CTBP2: variants seen among roughly 807,000 people sequenced by gnomAD.
The protein encoded by CTBP2 is C-terminal-binding protein 2.
In CTBP2, 30 loss-of-function variants were observed where a neutral mutation model predicts 80.3. The observed-to-expected ratio is 0.37, with a 90% confidence interval of 0.28 to 0.51. The LOEUF (loss-of-function observed/expected upper bound fraction) is 0.51, where lower values mean the gene tolerates loss of function less well. Ranked by LOEUF, CTBP2 falls within the 20% of genes least tolerant of loss-of-function variation. The pLI, the probability that CTBP2 is intolerant of heterozygous loss-of-function variation, is 0.93. For missense variants in CTBP2, 1,212 were observed against 1,375.3 expected (o/e 0.88, Z 1.88); for synonymous variants, 594 against 587.4 (o/e 1.01, Z -0.16).
intron 2 of CTBP2, among the ~76,000 whole-genome samples, chr10:125,062,425 T>C (rs1003521442): frequency 6.1e-5 from 9 of 147,286 alleles, no homozygotes; most frequent in Non-Finnish European, 1.3e-4. Context: ...AAGTCTGTCC[T>C]GTTTAAAGCT....
chr10:125,027,031 T>G lies in CTBP2; in HGVS notation c.729A>C (p.Glu243Asp). The G allele has an allele frequency of 6.2e-7, 1 of 1,613,560 alleles. No homozygotes were observed. Residue 243 changes from glutamate (E) to aspartate (D), a missense_variant, in exon 1 of 9, where the codon GAA (glutamate) becomes GAC (aspartate). Physicochemically the swap from Glu to Asp is conservative, Grantham distance 45. This residue lies in a region of CTBP2 where 848 missense variants were observed against 782.3 expected (regional missense o/e 1.08). Transcript: ENST00000309035. ...CCCCTGGGGCCACCCCTGTGCTGCC[T>G]TCGGGGGCAGCAGCTGAACTGGGGT... is the stretch of plus-strand genomic sequence containing the variant.
At chr10:125,014,026 T>A (rs1174885919) in intron 1 of CTBP2, among the ~76,000 whole-genome samples, 1 of 152,184 alleles carries the variant, frequency 6.6e-6, no homozygotes, top group African/African-American at 2.4e-5. Flanking sequence ...AGGCATGCGC[T>A]CTTCCCACCC....
At chr10:125,005,339 C>T (rs1955091761) in intron 1 of CTBP2, among the ~76,000 whole-genome samples, 1 of 152,230 alleles carries the variant, frequency 6.6e-6, no homozygotes, top group Non-Finnish European at 1.5e-5. Context: ...ATCATGGCCC[C>T]TCTCAGCCCT....
intron 2 of CTBP2, among the ~76,000 whole-genome samples, chr10:125,073,746 A>G (rs998403991): frequency 1.3e-5 from 2 of 152,234 alleles, no homozygotes; most frequent in African/African-American, 4.8e-5. Context: ...CTCTTAGAAC[A>G]TAGTGAAGTT....
At chr10:125,114,728 A>C (rs1414965948) in intron 1 of CTBP2, among the ~76,000 whole-genome samples, 2 of 152,056 alleles carry the variant, frequency 1.3e-5, no homozygotes, top group East Asian at 1.9e-4. Flanking sequence ...GCCTGCCTTC[A>C]CTTGAACTCA....
intron 2 of CTBP2, among the ~76,000 whole-genome samples, chr10:125,080,788 T>G (rs955518663): frequency 6.6e-6 from 1 of 152,132 alleles, no homozygotes; most frequent in African/African-American, 2.4e-5. Flanking sequence ...TCTTCTGACC[T>G]GATAGGAGTC....
rs1371296699 is a variant in CTBP2 at position 124,986,287 on chromosome 10, GCGCGCACACACACACA to G, written c.*3215_*3230del. The G allele has an allele frequency of 1.9e-4, 14 of 73,022 alleles. No individual in the cohort carries two copies. The highest frequency in any genetic ancestry group is 5.5e-4 in the African/African-American group (13 of 23,688). 4.5% of individuals were successfully genotyped at this position (73,022 alleles called of 1,614,324 possible). A position where few individuals can be genotyped will look rare whatever the true frequency, so the allele number is the denominator to read the frequency against. On this transcript the variant is annotated 3_prime_UTR_variant, in exon 9 of 9. Coordinates refer to ENST00000309035, the MANE Select transcript of CTBP2 (RefSeq NM_022802.3). ...GGAAAGACGACACACGCACGCGCGC[GCGCGCACACACACACA>G]CACACACACACACACACACAGTTTT...
intron 2 of CTBP2, among the ~76,000 whole-genome samples, chr10:125,083,423 G>A (rs1027111730): frequency 6.6e-6 from 1 of 152,166 alleles, no homozygotes; most frequent in Admixed American, 6.5e-5. Flanking sequence ...AGGGCTGTCC[G>A]AGGACACAAC....
At chr10:125,003,186 C>T in intron 2 of CTBP2, 82 bp from the exon 5 acceptor site, 1 of 1,597,590 alleles carries the variant, frequency 6.3e-7, no homozygotes, top group South Asian at 1.1e-5. Flanking sequence ...CTGGCCCTAT[C>T]ACCCTTGAAC....
Position 125,098,054 on chromosome 10 carries a change from G to A in CTBP2, c.-102+12936C>T, listed in dbSNP as rs1849820339. Reference sequence around the variant, plus strand: ...GAGAACTGCTTGAACCCAGGAGGCGGAGATCGCAGTGAACCGAGATCGCAC... The same window carrying A: ...GAGAACTGCTTGAACCCAGGAGGCGAAGATCGCAGTGAACCGAGATCGCAC... On this transcript the variant is annotated intron_variant, in intron 2 of 10. Transcript: ENST00000337195. Among the ~76,000 whole-genome samples the A allele has an allele frequency of 4.6e-5, 7 of 152,176 alleles. No individual in the cohort carries two copies. The South Asian group carries it at 1.4e-3, about 31-fold the overall frequency.
At chr10:125,100,262 G>A (rs1409528374) in intron 2 of CTBP2, among the ~76,000 whole-genome samples, 2 of 152,192 alleles carry the variant, frequency 1.3e-5, no homozygotes, top group Non-Finnish European at 2.9e-5. Context: ...GAAAAAAATG[G>A]TATTTGATGA....
chr10:125,067,261 A>G (rs568776844), intron 2 of CTBP2, among the ~76,000 whole-genome samples: 12 of 152,296 alleles, frequency 7.9e-5, no homozygotes, highest in African/African-American at 2.9e-4. Flanking sequence ...AAAAATAAGG[A>G]AAGACTGTGA....
At chr10:125,019,272 A>C (rs1386600157) in intron 1 of CTBP2, among the ~76,000 whole-genome samples, 1 of 152,206 alleles carries the variant, frequency 6.6e-6, no homozygotes, top group Non-Finnish European at 1.5e-5. Context: ...ACTCGTTTCT[A>C]CATCGCTAAC....
chr10:125,066,824 C>T lies in CTBP2; in HGVS notation c.-101-27669G>A, dbSNP rs1844709528. ...AGCCCATGTGTCGATCAGTAAATGC[C>T]TCAGGGTGAACTCGAGAATCCAGAA... On this transcript the variant is annotated intron_variant, in intron 2 of 10. Coordinates refer to the CTBP2 transcript ENST00000337195. The surrounding 1 kb of genome is among the most constrained non-coding windows in gnomAD (Gnocchi z 4.1). 6.6e-6 allele frequency among the ~76,000 whole-genome samples: 1 copy of T among 152,134 alleles called. No homozygotes were observed. Among genetic ancestry groups the T allele is most frequent in the Non-Finnish European group, 1.5e-5 (1 of 68,024 alleles).
chr10:125,074,952 C>A (rs1340219921), intron 2 of CTBP2, among the ~76,000 whole-genome samples: 1 of 152,140 alleles, frequency 6.6e-6, no homozygotes, highest in Non-Finnish European at 1.5e-5. Context: ...ACAGGCGGAG[C>A]CGAGAAAACA....
intron 1 of CTBP2, among the ~76,000 whole-genome samples, chr10:125,157,467 C>G (rs993529646): frequency 1.3e-5 from 2 of 151,826 alleles, no homozygotes; most frequent in Admixed American, 6.6e-5. Context: ...GAATTAAACC[C>G]AAACCACCTA....
intron 2 of CTBP2, among the ~76,000 whole-genome samples, chr10:125,098,657 G>GAGAGAGAGAGAGAGAGAGAGAGA (rs1849948390): frequency 2.2e-5 from 1 of 44,968 alleles, no homozygotes. Context: ...TGGGGGAGGG[G>GAGAGAGAGAGAGAGAGAGAGAGA]GAGAGAGAGA....
At position 125,026,346 on chromosome 10, in the gene CTBP2, G is replaced by T. The variant is rs750744579; in HGVS notation, c.1414C>A (p.Leu472Ile). ...TAGGCTGTTCTGGGGCCTGGGTGAA[G>T]GGGGTTTGAGGGGCCCGGGTTAGTC... is the stretch of plus-strand genomic sequence containing the variant. The change falls in exon 1 of 9, where the codon CTT becomes ATT. Residue 472 changes from leucine to isoleucine, a missense_variant. This residue lies in a region of CTBP2 where 848 missense variants were observed against 782.3 expected (regional missense o/e 1.08). Transcript: ENST00000309035. 1.2e-6 allele frequency: 2 copies of T among 1,613,880 alleles called. No homozygotes were observed. Among genetic ancestry groups the T allele is most frequent in the Non-Finnish European group, 1.7e-6 (2 of 1,179,944 alleles).
intron 2 of CTBP2, among the ~76,000 whole-genome samples, chr10:125,055,893 G>A (rs934846490): frequency 6.6e-6 from 1 of 152,158 alleles, no homozygotes; most frequent in Admixed American, 6.5e-5. Context: ...CTGGCCAGGC[G>A]TGGCAGCTCA....
Sources: allele counts gnomAD v4.1 joint callset (sites outside exome capture counted in the v4.1 genomes callset), GRCh38; gene constraint gnomAD v4.1.1; regional missense constraint gnomAD v4.1.1; non-coding constraint Gnocchi (gnomAD v3.1); transcripts MANE v1.5; gene names NCBI Gene and HGNC (gene_info 2026-07-23, HGNC 2026-07-21).